Variants in RGS17 observed in about 807,000 individuals in gnomAD.
RGS17 encodes the protein regulator of G-protein signaling 17.
RGS17 carries 12 observed loss-of-function variants against 25.5 expected under a neutral mutation model. That is an observed-to-expected ratio of 0.47 (90% confidence interval 0.30 to 0.76). The LOEUF (loss-of-function observed/expected upper bound fraction) is 0.76. RGS17 is among the 30% of genes least tolerant of loss of function. RGS17 has a pLI of 0.07. For synonymous variants in RGS17, 71 were observed against 76.9 expected (o/e 0.92, Z 0.40); for missense variants, 196 against 242.2 (o/e 0.81, Z 1.27).
chr6:153,124,755 T>C (rs1028269025), intron 1 of RGS17, among the ~76,000 whole-genome samples: 6 of 152,336 alleles, frequency 3.9e-5, no homozygotes, highest in African/African-American at 1.4e-4. Context: ...GCTTTTTTAC[T>C]TCATGTGAAT....
chr6:153,011,418 C>G lies in RGS17; in HGVS notation c.*156G>C. On this transcript the variant is annotated 3_prime_UTR_variant, in exon 5 of 5. Transcript: ENST00000206262. Reference sequence around the variant, plus strand: ...TTCTCCAAACTTAACCATGGAAAACCTTGATAAAAATGGAGACAAAGACCA... The same window carrying G: ...TTCTCCAAACTTAACCATGGAAAACGTTGATAAAAATGGAGACAAAGACCA... 1.7e-6 allele frequency: 1 copy of G among 586,122 alleles called. No homozygotes were observed. Among genetic ancestry groups the G allele is most frequent in the Non-Finnish European group, 3.0e-6 (1 of 334,530 alleles). The allele number at this position is 586,122 out of a possible 1,614,324, so 36.3% of individuals were successfully genotyped here.
intron 1 of RGS17, among the ~76,000 whole-genome samples, chr6:153,049,692 A>T (rs1343608511): frequency 6.6e-6 from 1 of 152,126 alleles, no homozygotes; most frequent in East Asian, 1.9e-4. Context: ...AGGAGCTTGC[A>T]GTGAGCCGAG....
intron 1 of RGS17, among the ~76,000 whole-genome samples, chr6:153,055,785 C>T (rs1776546209): frequency 6.6e-6 from 1 of 152,132 alleles, no homozygotes; most frequent in South Asian, 2.1e-4. Context: ...TTTTCATTGT[C>T]GTGCATTAGT....
At chr6:153,054,366 C>T (rs1046577921) in intron 1 of RGS17, among the ~76,000 whole-genome samples, 2 of 151,074 alleles carry the variant, frequency 1.3e-5, no homozygotes, top group Non-Finnish European at 2.9e-5. Flanking sequence ...TTTGCAAGAC[C>T]GAGGCAGGGC....
intron 1 of RGS17, among the ~76,000 whole-genome samples, chr6:153,111,045 T>G (rs1345031580): frequency 7.2e-6 from 1 of 137,964 alleles, no homozygotes; most frequent in Non-Finnish European, 1.7e-5. Flanking sequence ...TGCAGGAGTG[T>G]TTTTTTTTTT....
chr6:153,049,922 T>C (rs117438933), intron 1 of RGS17, among the ~76,000 whole-genome samples: 2,547 of 152,174 alleles, frequency 0.017, 38 homozygotes, highest in Non-Finnish European at 0.021. Flanking sequence ...ATAGAAGTCA[T>C]AATAATTAGG....
Position 153,007,233 on chromosome 6 carries a change from T to C in RGS17, c.*4341A>G, listed in dbSNP as rs1387362476. ...TGTGTTGCAAGGATATTTTAAGCAC[T>C]GCAGGGAAAATCTGAAGCAAGTTTT... On this transcript the variant is annotated 3_prime_UTR_variant, in exon 5 of 5. Transcript: ENST00000206262. 6.6e-6 allele frequency: 1 copy of C among 152,218 alleles called. No homozygotes were observed. The highest frequency in any genetic ancestry group is 2.4e-5 in the African/African-American group (1 of 41,462). 9.4% of individuals were successfully genotyped at this position (152,218 alleles called of 1,614,324 possible).
At chr6:153,050,105 TAC>T (rs1472785667) in intron 1 of RGS17, among the ~76,000 whole-genome samples, 1 of 152,088 alleles carries the variant, frequency 6.6e-6, no homozygotes, top group African/African-American at 2.4e-5. Context: ...TATAAAAAAT[TAC>T]ACCTCCAAGT....
At chr6:153,052,059 GCT>G (rs1051504003) in intron 1 of RGS17, among the ~76,000 whole-genome samples, 2 of 152,136 alleles carry the variant, frequency 1.3e-5, no homozygotes, top group Admixed American at 1.3e-4. Flanking sequence ...GATCATCAGG[GCT>G]TCATCCTATG....
At chr6:153,064,545 G>C (rs145712639) in intron 1 of RGS17, among the ~76,000 whole-genome samples, 1 of 151,830 alleles carries the variant, frequency 6.6e-6, no homozygotes, top group African/African-American at 2.4e-5. Context: ...CAGGAGAATA[G>C]TGTGAACTCA....
At chr6:153,015,722 C>A (rs143454243) in intron 4 of RGS17, among the ~76,000 whole-genome samples, 1 of 151,220 alleles carries the variant, frequency 6.6e-6, no homozygotes, top group Non-Finnish European at 1.5e-5. Flanking sequence ...GGCGCGATCT[C>A]GGCTCACTGC....
chr6:153,037,171 A>AAC (rs61117365), intron 2 of RGS17, among the ~76,000 whole-genome samples: 293 of 145,350 alleles, frequency 2.0e-3, no homozygotes, highest in African/African-American at 4.3e-3. Context: ...CTACCTTTAA[A>AAC]ACACACACAC....
At chr6:153,092,251 T>C (rs1195738435) in intron 1 of RGS17, among the ~76,000 whole-genome samples, 1 of 152,250 alleles carries the variant, frequency 6.6e-6, no homozygotes, top group African/African-American at 2.4e-5. Flanking sequence ...CTTCTTTGCC[T>C]GTATAAAATG....
intron 1 of RGS17, among the ~76,000 whole-genome samples, chr6:153,096,765 T>A (rs1205295175): frequency 6.6e-6 from 1 of 152,246 alleles, no homozygotes; most frequent in African/African-American, 2.4e-5. Flanking sequence ...AACTGGCTTT[T>A]AGGTCTTCAG....
At chr6:153,050,576 T>C (rs1358777898) in intron 1 of RGS17, among the ~76,000 whole-genome samples, 1 of 152,178 alleles carries the variant, frequency 6.6e-6, no homozygotes, top group African/African-American at 2.4e-5. Flanking sequence ...ACAATATCAA[T>C]TTTGGAAGAG....
rs1180079546 is a variant in RGS17 at position 153,011,033 on chromosome 6, T to G, written c.*541A>C. 6.6e-6 allele frequency: 1 copy of G among 152,504 alleles called. No individual in the cohort carries two copies. The highest frequency in any genetic ancestry group is 1.5e-5 in the Non-Finnish European group (1 of 67,978). 9.4% of individuals were successfully genotyped at this position (152,504 alleles called of 1,614,324 possible). On this transcript the variant is annotated 3_prime_UTR_variant, in exon 5 of 5. Transcript: ENST00000206262. Reference sequence around the variant, plus strand: ...AGCTCTTTTTCATGTACAGAAATATTGGCTTCAAAATTAGTGTACTAAACA... The same window carrying G: ...AGCTCTTTTTCATGTACAGAAATATGGGCTTCAAAATTAGTGTACTAAACA...
chr6:153,019,030 T>C (rs1311726974), intron 4 of RGS17, among the ~76,000 whole-genome samples: 1 of 152,236 alleles, frequency 6.6e-6, no homozygotes, highest in African/African-American at 2.4e-5. Context: ...TTCTCTCAGA[T>C]GGTAACTGGG....
At chr6:153,097,169 A>G (rs1016888038) in intron 1 of RGS17, among the ~76,000 whole-genome samples, 1 of 152,170 alleles carries the variant, frequency 6.6e-6, no homozygotes, top group Admixed American at 6.5e-5. Context: ...TTATGAGCAA[A>G]AGCAAGGAAA....
At chr6:153,075,969 A>G (rs1278757332) in intron 1 of RGS17, among the ~76,000 whole-genome samples, 1 of 152,172 alleles carries the variant, frequency 6.6e-6, no homozygotes, top group Non-Finnish European at 1.5e-5. Flanking sequence ...CAGTAGTGGA[A>G]ATAGGGACAG....
Sources: gnomAD v4.1 joint callset for allele counts (sites outside exome capture counted in the v4.1 genomes callset) on GRCh38, gnomAD v4.1.1 for gene constraint, MANE v1.5 for transcripts, NCBI Gene and HGNC (gene_info 2026-07-23, HGNC 2026-07-21) for gene names.